RB1: variants seen among roughly 807,000 people sequenced by gnomAD.
RB1 encodes the protein retinoblastoma-associated protein.
RB1 carries 18 observed loss-of-function variants against 135.4 expected under a neutral mutation model. The observed-to-expected ratio is 0.13, with a 90% confidence interval of 0.09 to 0.20. The LOEUF (loss-of-function observed/expected upper bound fraction) is 0.20. RB1 is among the 10% of genes least tolerant of loss of function. The pLI is 1.00. For missense variants in RB1, 868 were observed against 1,110.0 expected, an observed-to-expected ratio of 0.78 and a Z score of 3.10; for synonymous variants, 365 against 373.2, an observed-to-expected ratio of 0.98 and a Z score of 0.25.
intron 17 of RB1, chr13:48,417,249 G>C (rs1021355053): frequency 8.5e-5 from 13 of 153,406 alleles, no homozygotes; most frequent in Admixed American, 2.6e-4. Flanking sequence ...AATCTTTGTT[G>C]TTCTGCAACC....
chr13:48,377,284 A>G (rs1158399951), intron 13 of RB1, among the ~76,000 whole-genome samples: 1 of 152,226 alleles, frequency 6.6e-6, no homozygotes, highest in African/African-American at 2.4e-5. Context: ...AAATACAACT[A>G]AGAAAAAAAT....
intron 17 of RB1, among the ~76,000 whole-genome samples, chr13:48,451,738 AT>A (rs59115458): frequency 0.87 from 121,842 of 140,184 alleles, 53,958 homozygotes; most frequent in Non-Finnish European, 0.97. Context: ...TGATCCTGGG[AT>A]TTTTTTTTTT....
intron 19 of RB1, 147 bp from the exon 20 acceptor site, chr13:48,459,540 TG>T: frequency 3.7e-6 from 3 of 802,890 alleles, no homozygotes; most frequent in Non-Finnish European, 6.3e-6. Context: ...CATGTTTCTC[TG>T]GGGGAAAGAA....
intron 23 of RB1, among the ~76,000 whole-genome samples, chr13:48,466,401 C>A: frequency 9.3e-6 from 1 of 107,876 alleles, no homozygotes; most frequent in East Asian, 3.1e-4. Flanking sequence ...ACCGAAAACC[C>A]ATCTGTACAT....
chr13:48,312,487 C>T (rs1276439830), intron 2 of RB1, among the ~76,000 whole-genome samples: 1 of 152,144 alleles, frequency 6.6e-6, no homozygotes, highest in Non-Finnish European at 1.5e-5. Flanking sequence ...AGGGTGGGAG[C>T]AATACTCTTT....
At chr13:48,380,328 G>A in intron 16 of RB1, 87 bp downstream of exon 16, 1 of 985,594 alleles carries the variant, frequency 1.0e-6, no homozygotes, top group Non-Finnish European at 1.6e-6. Context: ...GAGGGATAGT[G>A]TGAGGTTAAG....
At chr13:48,412,434 C>A (rs373712773) in intron 17 of RB1, 3 of 1,606,118 alleles carry the variant, frequency 1.9e-6, no homozygotes, top group Admixed American at 1.7e-5. Flanking sequence ...CGTAAAGGCA[C>A]GTCCAATTTT....
At chr13:48,431,411 A>T (rs1198415879) in intron 17 of RB1, among the ~76,000 whole-genome samples, 1 of 152,354 alleles carries the variant, frequency 6.6e-6, no homozygotes, top group African/African-American at 2.4e-5. Context: ...GACTTTAGGC[A>T]TTTATGCAGA....
chr13:48,435,191 G>A (rs748280001), intron 17 of RB1, among the ~76,000 whole-genome samples: 4 of 152,226 alleles, frequency 2.6e-5, no homozygotes, highest in Non-Finnish European at 5.9e-5. Context: ...ATATACGAGT[G>A]AGTGATCCAG....
chr13:48,344,378 A>G (rs891646167), intron 3 of RB1, among the ~76,000 whole-genome samples: 1 of 152,240 alleles, frequency 6.6e-6, no homozygotes, highest in Non-Finnish European at 1.5e-5. Context: ...AAGTAGGGTG[A>G]GGAGGGCATC....
At chr13:48,472,529 T>G (rs190539740) in intron 23 of RB1, among the ~76,000 whole-genome samples, 5 of 152,314 alleles carry the variant, frequency 3.3e-5, no homozygotes, top group Admixed American at 2.0e-4. Flanking sequence ...TTTTTAATAG[T>G]GATAATTAGT....
At chr13:48,333,981 T>C (rs773494526) in intron 2 of RB1, among the ~76,000 whole-genome samples, 23 of 152,150 alleles carry the variant, frequency 1.5e-4, no homozygotes, top group Non-Finnish European at 3.2e-4. Flanking sequence ...CTGAGTTCCA[T>C]AGGAGTTTTT....
At chr13:48,457,733 C>T (rs1181411934) in intron 19 of RB1, among the ~76,000 whole-genome samples, 7 of 152,228 alleles carry the variant, frequency 4.6e-5, no homozygotes, top group Non-Finnish European at 1.0e-4. Flanking sequence ...GCTGAGGCGG[C>T]AGGGGGCTGG....
At chr13:48,313,423 A>G (rs1438744920) in intron 2 of RB1, among the ~76,000 whole-genome samples, 6 of 146,752 alleles carry the variant, frequency 4.1e-5, no homozygotes, top group Non-Finnish European at 9.0e-5. Flanking sequence ...TTGATGTTGT[A>G]TCTAAGAAGG....
rs774207778 is a variant in RB1, at chr13:48,367,479, CT to C, written c.940-9del. On this transcript the variant is annotated splice_polypyrimidine_tract_variant and intron_variant, in intron 9 of 26. Transcript: ENST00000267163. ...ACATGTAAAGGATAATTGTCAGTGA[CT>C]TTTTTCTTTCAAGGTTGAAAATCTT... 3.8e-6 allele frequency: 6 copies of C among 1,598,252 alleles called. No homozygotes were observed. The highest frequency in any genetic ancestry group is 5.1e-6 in the Non-Finnish European group (6 of 1,170,810).
In RB1 at chr13:48,319,283, G is replaced by T. The variant is rs1031684136; in HGVS notation, c.264+11877G>T. ...GTGGCGCTGCTTGTGCTGTGTGCGG[G>T]GTCAGGCGTCCTCTCTCCTCCCGGC... is the stretch of plus-strand genomic sequence containing the variant. On this transcript the variant is annotated intron_variant, in intron 2 of 26. Transcript: ENST00000267163. This position sits in a 1 kb window ranked among gnomAD's most constrained non-coding sequence, Gnocchi z 5.0. 7.4e-5 allele frequency: 56 copies of T among 758,214 alleles called. No homozygotes were observed. The highest frequency in any genetic ancestry group is 1.1e-4 in the Non-Finnish European group (54 of 490,272). 47.0% of individuals were successfully genotyped at this position (758,214 alleles called of 1,614,324 possible). A position where few individuals can be genotyped will look rare whatever the true frequency, so the allele number is the denominator to read the frequency against.
At chr13:48,344,475 G>A (rs1042216837) in intron 3 of RB1, among the ~76,000 whole-genome samples, 10 of 152,116 alleles carry the variant, frequency 6.6e-5, no homozygotes, top group Non-Finnish European at 1.2e-4. Context: ...GCACAAGTGA[G>A]GTGAGGAGGG....
At chr13:48,358,708 C>T (rs1387249031) in intron 6 of RB1, among the ~76,000 whole-genome samples, 1 of 152,074 alleles carries the variant, frequency 6.6e-6, no homozygotes, top group Non-Finnish European at 1.5e-5. Context: ...CTTCTCTTAT[C>T]AGCAGTTTCT....
intron 6 of RB1, among the ~76,000 whole-genome samples, chr13:48,357,107 G>A (rs171990): frequency 0.78 from 117,756 of 150,270 alleles, 51,704 homozygotes; most frequent in Non-Finnish European, 0.97. Context: ...TTTGAACACC[G>A]TATCCCTTTT....
Sources: allele counts gnomAD v4.1 joint callset (sites outside exome capture counted in the v4.1 genomes callset), GRCh38; gene constraint gnomAD v4.1.1; non-coding constraint Gnocchi (gnomAD v3.1); transcripts MANE v1.5; gene names NCBI Gene and HGNC (gene_info 2026-07-23, HGNC 2026-07-21).